The following SLC22A23 variants were observed in gnomAD, a reference collection of about 807,000 sequenced individuals.
SLC22A23 encodes ion transporter protein.
A neutral mutation model predicts 61.0 loss-of-function variants in SLC22A23; 26 were observed. That is an observed-to-expected ratio of 0.43 (90% CI 0.31 to 0.59). The LOEUF (loss-of-function observed/expected upper bound fraction) is 0.59. Among genes scored for constraint, SLC22A23 ranks in the 20% least tolerant of loss-of-function variants. The probability of loss-of-function intolerance (pLI) is 0.11; values close to 1 mark genes in which losing one functional copy is unlikely to be tolerated. For synonymous variants in SLC22A23, 430 were observed against 413.9 expected (o/e 1.04, Z -0.47); for missense variants, 796 against 934.7 (o/e 0.85, Z 1.94).
intron 1 of SLC22A23, among the ~76,000 whole-genome samples, chr6:3,432,491 CCTT>C (rs955858803): frequency 6.6e-6 from 1 of 152,224 alleles, no homozygotes; most frequent in Admixed American, 6.5e-5. Flanking sequence ...GAACGCGTCT[CCTT>C]CTAGCTCTCC....
intron 1 of SLC22A23, among the ~76,000 whole-genome samples, chr6:3,455,543 G>C (rs1772355157): frequency 6.6e-6 from 1 of 152,206 alleles, no homozygotes; most frequent in Admixed American, 6.5e-5. Flanking sequence ...GGGACAACTA[G>C]CCGGGCAGAA....
At chr6:3,396,328 C>G (rs537059144) in intron 3 of SLC22A23, among the ~76,000 whole-genome samples, 4 of 152,290 alleles carry the variant, frequency 2.6e-5, no homozygotes, top group African/African-American at 9.6e-5. Context: ...TTTGGGAGGC[C>G]AAGGCGGGCA....
intron 4 of SLC22A23, among the ~76,000 whole-genome samples, chr6:3,319,615 G>T (rs4959809): frequency 1.3e-5 from 2 of 151,954 alleles, no homozygotes; most frequent in African/African-American, 4.8e-5. Flanking sequence ...ATACCAGCTC[G>T]CTTCACTGCC....
chr6:3,318,642 T>C lies in SLC22A23; in HGVS notation c.1082+5192A>G, dbSNP rs906389898. Among the ~76,000 whole-genome samples, 13 of 152,122 alleles carry C rather than the reference T, an allele frequency of 8.5e-5. No homozygotes were observed. The highest frequency in any genetic ancestry group is 2.9e-4 in the African/African-American group (12 of 41,414). On this transcript the variant is annotated intron_variant, in intron 4 of 9. Coordinates refer to ENST00000406686, the MANE Select transcript of SLC22A23 (RefSeq NM_015482.2). This position sits in a 1 kb window ranked among gnomAD's most constrained non-coding sequence, Gnocchi z 4.3. ...CCTGGGAACTGAGAGTAATAAATGATCTTTCAATGGCAATTGTCTCCTGGC... is the reference window on the plus strand; with the variant it reads ...CCTGGGAACTGAGAGTAATAAATGACCTTTCAATGGCAATTGTCTCCTGGC...
At chr6:3,377,749 CGAGT>C in intron 3 of SLC22A23, 1 of 152,626 alleles carries the variant, frequency 6.6e-6, no homozygotes, top group Non-Finnish European at 1.5e-5. Flanking sequence ...GGTGGGGAAA[CGAGT>C]GAGGAGACTA....
intron 3 of SLC22A23, among the ~76,000 whole-genome samples, chr6:3,388,090 A>G (rs1237215708): frequency 6.6e-6 from 1 of 152,218 alleles, no homozygotes; most frequent in Middle Eastern, 3.2e-3. Flanking sequence ...TGTAAAATCA[A>G]AATGGCTCAC....
Position 3,324,044 on chromosome 6 carries a change from C to G in SLC22A23, c.914-42G>C. 2.5e-6 allele frequency: 4 copies of G among 1,598,958 alleles called. No individual in the cohort carries two copies. Among genetic ancestry groups the G allele is most frequent in the Non-Finnish European group, 2.6e-6 (3 of 1,169,126 alleles). ...ATGAGAGAGAGATGAGTGCCCTGCT[C>G]GACAGCCCGAGAAGTCCTGGGTGCA... is the stretch of plus-strand genomic sequence containing the variant. On this transcript the variant is annotated intron_variant, in intron 3 of 9. Coordinates refer to ENST00000406686, the MANE Select transcript of SLC22A23 (RefSeq NM_015482.2). This position sits in a 1 kb window ranked among gnomAD's most constrained non-coding sequence, Gnocchi z 4.3.
chr6:3,368,035 G>C (rs192867077), intron 3 of SLC22A23, among the ~76,000 whole-genome samples: 1 of 152,336 alleles, frequency 6.6e-6, no homozygotes, highest in East Asian at 1.9e-4. Context: ...GCAAGGTCAA[G>C]GTGACTGAAG....
intron 4 of SLC22A23, among the ~76,000 whole-genome samples, chr6:3,320,524 A>AT (rs1175252930): frequency 2.0e-5 from 3 of 152,210 alleles, no homozygotes; most frequent in Non-Finnish European, 4.4e-5. Flanking sequence ...ATACTTGCTC[A>AT]TTAAAGGAAA....
At chr6:3,296,665 G>A (rs1366313264) in intron 5 of SLC22A23, among the ~76,000 whole-genome samples, 4 of 152,150 alleles carry the variant, frequency 2.6e-5, no homozygotes, top group Non-Finnish European at 4.4e-5. Flanking sequence ...CCTGGCTCAT[G>A]TCCTTCTTCT....
intron 3 of SLC22A23, among the ~76,000 whole-genome samples, chr6:3,405,188 G>C (rs978808902): frequency 3.3e-5 from 5 of 152,052 alleles, no homozygotes; most frequent in African/African-American, 1.2e-4. Context: ...TTGAACCTGG[G>C]GGGCGGAGGT....
intron 3 of SLC22A23, among the ~76,000 whole-genome samples, chr6:3,409,060 A>G (rs1421260736): frequency 6.6e-6 from 1 of 152,222 alleles, no homozygotes; most frequent in African/African-American, 2.4e-5. Flanking sequence ...CGCATTATTT[A>G]TTCAAAGAAA....
intron 3 of SLC22A23, among the ~76,000 whole-genome samples, chr6:3,337,864 A>G (rs1472675852): frequency 1.3e-5 from 2 of 152,256 alleles, no homozygotes; most frequent in East Asian, 1.9e-4. Flanking sequence ...CTACTTTCGC[A>G]TAAGGATTAT....
chr6:3,321,959 T>C (rs1762977680), intron 4 of SLC22A23, among the ~76,000 whole-genome samples: 1 of 125,298 alleles, frequency 8.0e-6, no homozygotes, highest in South Asian at 2.4e-4. Context: ...TGGCAAAATA[T>C]TGAAAGTTGC....
At chr6:3,434,383 G>T (rs1411548979) in intron 1 of SLC22A23, among the ~76,000 whole-genome samples, 2 of 150,096 alleles carry the variant, frequency 1.3e-5, no homozygotes, top group South Asian at 2.1e-4. Context: ...TGGGAGGGCG[G>T]GTGGATCACA....
chr6:3,329,964 G>A lies in SLC22A23; in HGVS notation c.914-5962C>T, dbSNP rs1030996770. ...AATTCCTGGAACAGGCCTGCGGAAC[G>A]AGAAATCCTTCCAGAGGCCACTGCT... is the stretch of plus-strand genomic sequence containing the variant. On this transcript the variant is annotated intron_variant, in intron 3 of 9. Coordinates refer to ENST00000406686, the MANE Select transcript of SLC22A23 (RefSeq NM_015482.2). This position sits in a 1 kb window ranked among gnomAD's most constrained non-coding sequence, Gnocchi z 4.8. Among the ~76,000 whole-genome samples, 5 of 152,216 alleles carry A rather than the reference G, an allele frequency of 3.3e-5. No individual in the cohort carries two copies. Among genetic ancestry groups the A allele is most frequent in the Admixed American group, 6.5e-5 (1 of 15,288 alleles).
intron 5 of SLC22A23, among the ~76,000 whole-genome samples, chr6:3,296,296 T>C (rs975278181): frequency 5.3e-5 from 8 of 152,200 alleles, no homozygotes; most frequent in Non-Finnish European, 2.9e-5. Context: ...CTCTCCCTCA[T>C]GTTAGAGCAG....
intron 1 of SLC22A23, among the ~76,000 whole-genome samples, chr6:3,438,794 C>T (rs1262898421): frequency 2.0e-5 from 3 of 152,212 alleles, no homozygotes; most frequent in African/African-American, 7.2e-5. Flanking sequence ...GTGGGCTAAA[C>T]GTGCCTGCTG....
At position 3,328,501 on chromosome 6, in the gene SLC22A23, G is replaced by A. The variant is rs190066876; in HGVS notation, c.914-4499C>T. Among the ~76,000 whole-genome samples the A allele has an allele frequency of 1.3e-5, 2 of 152,248 alleles. No individual in the cohort carries two copies. The highest frequency in any genetic ancestry group is 1.9e-4 in the East Asian group (1 of 5,186). ...GTCACGTGGCGGGGCTGCAGTCTTA[G>A]GCATTTGCTCAAACAGGAACCCCGG... On this transcript the variant is annotated intron_variant, in intron 3 of 9. Transcript: ENST00000406686. The surrounding 1 kb of genome is among the most constrained non-coding windows in gnomAD (Gnocchi z 5.0).
Sources: gnomAD v4.1 joint callset for allele counts (sites outside exome capture counted in the v4.1 genomes callset) on GRCh38, gnomAD v4.1.1 for gene constraint, Gnocchi (gnomAD v3.1) non-coding constraint, MANE v1.5 for transcripts, NCBI Gene and HGNC (gene_info 2026-07-23, HGNC 2026-07-21) for gene names.